Variants in HUNK observed in about 807,000 individuals in gnomAD.
The protein encoded by HUNK is hormonally up-regulated Neu-associated kinase, also known as hormonally up-regulated neu tumor-associated kinase.
In HUNK, 21 loss-of-function variants were observed where a neutral mutation model predicts 61.0. The observed-to-expected ratio is 0.34, with a 90% CI of 0.24 to 0.50. The LOEUF is 0.50. Ranked by LOEUF, HUNK falls within the 20% of genes least tolerant of loss-of-function variation. The pLI, the probability that HUNK is intolerant of heterozygous loss-of-function variation, is 0.98. For missense variants in HUNK, 772 were observed against 945.7 expected (o/e 0.82, Z 2.41); for synonymous variants, 371 against 386.1 (o/e 0.96, Z 0.46).
At chr21:31,984,378 C>A (rs1259243865) in intron 8 of HUNK, among the ~76,000 whole-genome samples, 1 of 151,690 alleles carries the variant, frequency 6.6e-6, no homozygotes, top group South Asian at 2.1e-4. Context: ...TATGCGTCAA[C>A]TAAAAATAAA....
chr21:31,920,881 G>A (rs2052617620), intron 1 of HUNK, among the ~76,000 whole-genome samples: 1 of 152,196 alleles, frequency 6.6e-6, no homozygotes, highest in South Asian at 2.1e-4. Context: ...GCTGGGCACG[G>A]TGGCTCATTC....
chr21:31,947,442 C>G (rs940244213), intron 4 of HUNK, among the ~76,000 whole-genome samples: 15 of 152,234 alleles, frequency 9.9e-5, no homozygotes, highest in African/African-American at 2.4e-5. Context: ...TTCTGAGCTC[C>G]CTGCCAGGGA....
At chr21:31,912,790 C>T (rs932597857) in intron 1 of HUNK, among the ~76,000 whole-genome samples, 9 of 152,258 alleles carry the variant, frequency 5.9e-5, no homozygotes, top group Admixed American at 3.3e-4. Context: ...AGCCATCTGC[C>T]TGGGGGACAT....
intron 1 of HUNK, among the ~76,000 whole-genome samples, chr21:31,890,417 C>T (rs370368374): frequency 7.9e-5 from 12 of 152,040 alleles, no homozygotes; most frequent in African/African-American, 2.7e-4. Context: ...TTAGTAGAGA[C>T]GGGATTTCAC....
intron 1 of HUNK, among the ~76,000 whole-genome samples, chr21:31,917,695 TACACACACAC>T (rs3056146): frequency 0.03 from 2,812 of 94,892 alleles, 29 homozygotes; most frequent in Non-Finnish European, 0.038. Context: ...TTCCCAAACA[TACACACACAC>T]ACACACACAC....
At chr21:31,990,102 A>G in intron 8 of HUNK, 27 bp from the exon 9 acceptor site, 1 of 1,610,078 alleles carries the variant, frequency 6.2e-7, no homozygotes, top group Non-Finnish European at 8.5e-7. Context: ...AGATTCTCGA[A>G]TTGTTGAAGG....
chr21:31,986,632 T>C (rs1312014224), intron 8 of HUNK, among the ~76,000 whole-genome samples: 2 of 152,268 alleles, frequency 1.3e-5, no homozygotes, highest in East Asian at 3.9e-4. Flanking sequence ...CCTTGTCTCC[T>C]AGCCACATGG....
rs1459030196 is a variant in HUNK, at chr21:31,892,178, T to TAG, written c.261+18244_261+18245insGA. ...AAAAAAAAAAATATATATATATATA[T>TAG]ATAGAGAGAGAGAGAGAGAGAGAGA... is the stretch of plus-strand genomic sequence containing the variant. On this transcript the variant is annotated intron_variant, in intron 1 of 10. Coordinates refer to ENST00000270112, the MANE Select transcript of HUNK (RefSeq NM_014586.2). Among the ~76,000 whole-genome samples the TAG allele has an allele frequency of 1.4e-3, 148 of 104,006 alleles. 2 individuals are homozygous for TAG. Among genetic ancestry groups the TAG allele is most frequent in the African/African-American group, 2.5e-3 (68 of 27,616 alleles). The allele number at this position is 104,006 out of a possible 152,430, so 68.2% of individuals were successfully genotyped here.
At chr21:31,925,087 C>T (rs146191874) in intron 2 of HUNK, among the ~76,000 whole-genome samples, 2,567 of 152,046 alleles carry the variant, frequency 0.017, 30 homozygotes, top group Middle Eastern at 0.034. Context: ...TTAGTAGAGA[C>T]GGGGTTTCAC....
At chr21:31,912,008 C>T (rs897768860) in intron 1 of HUNK, among the ~76,000 whole-genome samples, 4 of 152,210 alleles carry the variant, frequency 2.6e-5, no homozygotes, top group Admixed American at 2.6e-4. Context: ...GCTCGGTCTC[C>T]TCGTACCTAC....
At chr21:31,976,717 T>C (rs940880909) in intron 7 of HUNK, among the ~76,000 whole-genome samples, 1 of 151,634 alleles carries the variant, frequency 6.6e-6, no homozygotes, top group Non-Finnish European at 1.5e-5. Context: ...TCCTCCTACC[T>C]CAGCCTCCCA....
intron 2 of HUNK, among the ~76,000 whole-genome samples, chr21:31,933,527 G>C (rs1025616395): frequency 6.6e-6 from 1 of 152,044 alleles, no homozygotes; most frequent in Non-Finnish European, 1.5e-5. Context: ...GCTCACGCCT[G>C]TAATCCTAGC....
intron 7 of HUNK, among the ~76,000 whole-genome samples, chr21:31,980,514 T>C (rs541088884): frequency 7.9e-5 from 12 of 151,548 alleles, no homozygotes; most frequent in Non-Finnish European, 1.6e-4. Flanking sequence ...GTAGCTGGGA[T>C]TACAGACGCC....
chr21:31,931,271 T>TA (rs893551109), intron 2 of HUNK, among the ~76,000 whole-genome samples: 7 of 151,946 alleles, frequency 4.6e-5, no homozygotes, highest in African/African-American at 1.7e-4. Flanking sequence ...CCTTCTCTCT[T>TA]ACCTTTCATT....
At chr21:31,985,871 A>G (rs942732650) in intron 8 of HUNK, among the ~76,000 whole-genome samples, 1 of 152,176 alleles carries the variant, frequency 6.6e-6, no homozygotes, top group Non-Finnish European at 1.5e-5. Flanking sequence ...GGGAGAGAAC[A>G]TGACCTCGAT....
intron 2 of HUNK, among the ~76,000 whole-genome samples, chr21:31,928,096 CTCTG>C (rs1376013716): frequency 6.6e-6 from 1 of 152,198 alleles, no homozygotes; most frequent in Non-Finnish European, 1.5e-5. Context: ...GTGTGCCTGG[CTCTG>C]TCTTTGTTTA....
At chr21:31,990,963 G>T (rs1601413202) in intron 9 of HUNK, among the ~76,000 whole-genome samples, 1 of 152,322 alleles carries the variant, frequency 6.6e-6, no homozygotes, top group East Asian at 1.9e-4. Flanking sequence ...CTAAGGGTTG[G>T]TCAGTCTCTG....
At chr21:31,950,894 T>G (rs1178824206) in intron 4 of HUNK, among the ~76,000 whole-genome samples, 5 of 152,068 alleles carry the variant, frequency 3.3e-5, no homozygotes, top group Non-Finnish European at 5.9e-5. Context: ...CCTGGAGGCT[T>G]TGGACCTGAT....
At chr21:31,945,975 C>T in intron 3 of HUNK, 61 bp from the exon 4 acceptor site, 7 of 1,505,332 alleles carry the variant, frequency 4.7e-6, no homozygotes, top group Admixed American at 3.9e-5. Flanking sequence ...CCTTTTGTTC[C>T]TCCCTCTTCA....
Sources: gnomAD v4.1 joint callset for allele counts (sites outside exome capture counted in the v4.1 genomes callset) on GRCh38, gnomAD v4.1.1 for gene constraint, MANE v1.5 for transcripts, NCBI Gene and HGNC (gene_info 2026-07-23, HGNC 2026-07-21) for gene names.